THBS4: variants seen among roughly 807,000 people sequenced by gnomAD.
The protein encoded by THBS4 is thrombospondin-4.
A neutral mutation model predicts 115.7 loss-of-function variants in THBS4; 90 were observed. The observed-to-expected ratio is 0.78, with a 90% CI of 0.66 to 0.93. The LOEUF (loss-of-function observed/expected upper bound fraction) is 0.93, where lower values mean the gene tolerates loss of function less well. THBS4 is among the 40% of genes least tolerant of loss of function. The pLI, the probability that THBS4 is intolerant of heterozygous loss-of-function variation, is 0.00. For synonymous variants in THBS4, 460 were observed against 479.3 expected (o/e 0.96, Z 0.53); for missense variants, 1,087 against 1,232.7 (o/e 0.88, Z 1.77).
intron 10 of THBS4, among the ~76,000 whole-genome samples, chr5:80,069,551 A>G (rs1472981409): frequency 6.6e-6 from 1 of 152,252 alleles, no homozygotes; most frequent in African/African-American, 2.4e-5. Flanking sequence ...TGAATTTGTA[A>G]TAAGGCACAA....
Position 80,061,703 on chromosome 5 carries a change from C to G in THBS4, c.996C>G (p.Tyr332Ter). The change falls in exon 8 of 22, where the codon TAC becomes TAG. Residue 332 changes from tyrosine (Y) to a stop codon, truncating the protein, a stop_gained. Coordinates refer to ENST00000350881, the MANE Select transcript of THBS4 (RefSeq NM_003248.6). LOFTEE classifies it high-confidence loss of function. The part of the protein sequence containing the change: ...ITCIDVDECK[Y>*]HPCYPGVHCI... ...AACTTTTTTGTCTCCAGTGCAAATA[C>G]CATCCCTGCTACCCGGGCGTGCACT... The G allele has an allele frequency of 6.2e-7, 1 of 1,612,352 alleles. No individual in the cohort carries two copies. The highest frequency in any genetic ancestry group is 8.5e-7 in the Non-Finnish European group (1 of 1,179,080).
chr5:80,024,765 A>G (rs1000656217), intron 2 of THBS4, among the ~76,000 whole-genome samples: 3 of 152,250 alleles, frequency 2.0e-5, no homozygotes, highest in Non-Finnish European at 2.9e-5. Flanking sequence ...TATGTGAAGA[A>G]GGAAGTACGT....
rs74473353 is a variant in THBS4 at position 80,000,226 on chromosome 5, A to G, written n.177+1799A>G. On this transcript the variant is annotated intron_variant and non_coding_transcript_variant, in intron 2 of 3. Transcript: ENST00000510218. ...TTCAAATGCAGGAACTAACTCTTAT[A>G]TCCCCCACAGCATTTAGTTGGCACA... is the stretch of plus-strand genomic sequence containing the variant. Among the ~76,000 whole-genome samples the G allele has an allele frequency of 4.1e-4, 63 of 152,320 alleles. No individual in the cohort carries two copies. In the South Asian group the frequency reaches 4.6e-3, roughly 11 times the overall value.
At chr5:80,051,306 C>T (rs1366188276) in intron 2 of THBS4, among the ~76,000 whole-genome samples, 1 of 146,562 alleles carries the variant, frequency 6.8e-6, no homozygotes. Flanking sequence ...CCTGCTTGCC[C>T]TCTGGGTAGT....
At chr5:80,000,399 T>G (rs1015750458) in intron 2 of THBS4, among the ~76,000 whole-genome samples, 1 of 152,206 alleles carries the variant, frequency 6.6e-6, no homozygotes, top group Admixed American at 6.5e-5. Context: ...TTTCCTCAGG[T>G]GTCTGTGTCC....
chr5:80,036,392 TG>T (rs1392543300), intron 1 of THBS4, among the ~76,000 whole-genome samples: 3 of 152,232 alleles, frequency 2.0e-5, no homozygotes, highest in Admixed American at 2.0e-4. Flanking sequence ...GGGGGAAGGT[TG>T]GGAAAACTAC....
intron 1 of THBS4, among the ~76,000 whole-genome samples, chr5:79,996,091 C>T (rs1435245130): frequency 1.3e-5 from 2 of 151,960 alleles, no homozygotes; most frequent in African/African-American, 2.4e-5. Context: ...GAGCTAAGAT[C>T]GTACCACTGC....
intron 9 of THBS4, chr5:80,066,642 A>G (rs922911437): frequency 2.6e-5 from 4 of 152,250 alleles, no homozygotes; most frequent in African/African-American, 9.6e-5. Flanking sequence ...TATTTAGACT[A>G]AGGTCACACA....
At chr5:80,048,437 C>G (rs1182985795) in intron 2 of THBS4, among the ~76,000 whole-genome samples, 1 of 152,152 alleles carries the variant, frequency 6.6e-6, no homozygotes, top group Non-Finnish European at 1.5e-5. Flanking sequence ...TGTACCAAGG[C>G]TAGAGAAGTT....
chr5:79,993,666 T>C (rs1037109088), intron 1 of THBS4, among the ~76,000 whole-genome samples: 1 of 152,238 alleles, frequency 6.6e-6, no homozygotes, highest in African/African-American at 2.4e-5. Context: ...GTGATAGTCA[T>C]CTGAACTCAG....
chr5:79,998,006 T>A (rs1051947060), intron 1 of THBS4, among the ~76,000 whole-genome samples: 1 of 151,976 alleles, frequency 6.6e-6, no homozygotes, highest in South Asian at 2.1e-4. Context: ...GAGAAAAAAA[T>A]TTGCAAAACA....
intron 9 of THBS4, chr5:80,066,241 G>A (rs1410343171): frequency 3.9e-5 from 6 of 152,102 alleles, no homozygotes. Context: ...GATGAGAGAT[G>A]TACCAGAGTT....
At chr5:80,080,365 C>G (rs1743426134) in intron 20 of THBS4, 8 of 367,760 alleles carry the variant, frequency 2.2e-5, no homozygotes, top group Non-Finnish European at 4.1e-5. Context: ...CTGTGCCCTT[C>G]TGCCATGCTC....
chr5:80,062,575 T>C (rs549315460), intron 8 of THBS4, among the ~76,000 whole-genome samples: 1 of 152,344 alleles, frequency 6.6e-6, no homozygotes, highest in African/African-American at 2.4e-5. Flanking sequence ...AGGGTACATA[T>C]GCACAACGTG....
upstream of THBS4, among the ~76,000 whole-genome samples, chr5:80,032,871 G>A (rs1238570359): frequency 6.6e-6 from 1 of 152,106 alleles, no homozygotes; most frequent in Non-Finnish European, 1.5e-5. Context: ...GACACACACA[G>A]GAGCCATACT....
intron 2 of THBS4, among the ~76,000 whole-genome samples, chr5:80,029,228 A>G (rs2438606): frequency 0.25 from 37,747 of 151,902 alleles, 5,329 homozygotes; most frequent in African/African-American, 0.39. Context: ...ATTACACTCC[A>G]CATCATATTT....
chr5:80,050,158 G>A (rs1052134629), intron 2 of THBS4, among the ~76,000 whole-genome samples: 34 of 152,180 alleles, frequency 2.2e-4, no homozygotes, highest in African/African-American at 7.7e-4. Context: ...ACCTGGAACC[G>A]CCCAGTGGGT....
At chr5:80,078,726 T>G (rs1028001625) in intron 17 of THBS4, 195 bp from the exon 18 acceptor site, 19 of 522,166 alleles carry the variant, frequency 3.6e-5, no homozygotes, top group African/African-American at 3.4e-4. Context: ...GCTTTGAGCT[T>G]TTTTTTAACC....
chr5:80,053,568 T>C (rs183993123), intron 2 of THBS4, among the ~76,000 whole-genome samples: 3 of 152,196 alleles, frequency 2.0e-5, no homozygotes, highest in African/African-American at 7.2e-5. Flanking sequence ...AGTTCTGCTT[T>C]AAGTTCTACT....
Sources: allele counts gnomAD v4.1 joint callset (sites outside exome capture counted in the v4.1 genomes callset), GRCh38; gene constraint gnomAD v4.1.1; transcripts MANE v1.5; gene names NCBI Gene and HGNC (gene_info 2026-07-23, HGNC 2026-07-21).